ERCC8: variants seen among roughly 807,000 people sequenced by gnomAD.
ERCC8 encodes DNA excision repair protein ERCC-8.
A neutral mutation model predicts 54.9 loss-of-function variants in ERCC8; 52 were observed. The ratio of observed to expected loss-of-function variants is 0.95; its 90% CI spans 0.76 to 1.19. The LOEUF is 1.19. Among genes scored for constraint, ERCC8 ranks in the 50% most tolerant of loss-of-function variants. ERCC8 has a pLI of 0.00. For synonymous variants in ERCC8, 146 were observed against 157.2 expected, an observed-to-expected ratio of 0.93 and a Z score of 0.53; for missense variants, 514 against 466.1, an observed-to-expected ratio of 1.10 and a Z score of -0.95.
chr5:60,908,577 A>AT (rs1396881597), intron 4 of ERCC8, among the ~76,000 whole-genome samples: 66 of 90,326 alleles, frequency 7.3e-4, no homozygotes, highest in East Asian at 6.2e-3. Context: ...ATATATATAT[A>AT]TATATATTTT....
rs1747897358 is a variant in ERCC8 at position 60,873,071 on chromosome 5, T to G, written c.*1544A>C. The stretch of plus-strand genomic sequence containing the variant: ...CAAAATTTCAGTTAAAAAGGGGGAA[T>G]TAGTGCAAGAGACCTATTGCACAAC... On this transcript the variant is annotated 3_prime_UTR_variant, in exon 12 of 12. Transcript: ENST00000676185. Among the ~76,000 whole-genome samples the G allele has an allele frequency of 6.6e-6, 1 of 152,130 alleles. No homozygotes were observed. The highest frequency in any genetic ancestry group is 2.4e-5 in the African/African-American group (1 of 41,422).
intron 9 of ERCC8, chr5:60,892,140 G>GCT (rs1748580547): frequency 2.2e-6 from 1 of 456,882 alleles, no homozygotes; most frequent in African/African-American, 2.0e-5. Context: ...CCACCTTACT[G>GCT]TTTTTTTTTA....
intron 2 of ERCC8, chr5:60,924,301 T>C (rs1349778310): frequency 6.5e-6 from 1 of 152,716 alleles, no homozygotes; most frequent in African/African-American, 2.4e-5. Flanking sequence ...CGTCAATCCT[T>C]AAGTTGCTGT....
chr5:60,909,050 A>G (rs558042174), intron 4 of ERCC8, among the ~76,000 whole-genome samples: 1 of 152,152 alleles, frequency 6.6e-6, no homozygotes, highest in East Asian at 1.9e-4. Context: ...AAGCTGGAGA[A>G]TTGAATGCCA....
chr5:60,886,395 G>A (rs4647138), intron 11 of ERCC8, among the ~76,000 whole-genome samples: 65,240 of 151,918 alleles, frequency 0.43, 15,291 homozygotes, highest in African/African-American at 0.6. Flanking sequence ...AAAATTTGAC[G>A]TGAGAACAAA....
intron 11 of ERCC8, among the ~76,000 whole-genome samples, chr5:60,880,372 T>C (rs148687658): frequency 0.011 from 1,708 of 152,294 alleles, 39 homozygotes; most frequent in African/African-American, 0.039. Context: ...AGGAGTATCT[T>C]TGTGGCATTC....
chr5:60,909,887 G>A (rs927218482), intron 4 of ERCC8: 1 of 152,038 alleles, frequency 6.6e-6, no homozygotes, highest in South Asian at 2.1e-4. Flanking sequence ...TCAGGACGGG[G>A]AGGTTGCAGT....
rs1027690651 is a variant in ERCC8, at chr5:60,874,353, G to C, written c.*262C>G. On this transcript the variant is annotated 3_prime_UTR_variant, in exon 12 of 12. Transcript: ENST00000676185. ...CTGAAGGTCACAACTGAGGTACAACGACTTGTGTTACTTGTACTGTAGCAA... is the reference window on the plus strand; with the variant it reads ...CTGAAGGTCACAACTGAGGTACAACCACTTGTGTTACTTGTACTGTAGCAA... 4 of 395,048 alleles carry C rather than the reference G, an allele frequency of 1.0e-5. No individual in the cohort carries two copies. The highest frequency in any genetic ancestry group is 1.5e-3 in the Middle Eastern group (2 of 1,330). The allele number at this position is 395,048 out of a possible 1,614,324, so 24.5% of individuals were successfully genotyped here. A position where few individuals can be genotyped will look rare whatever the true frequency, so the allele number is the denominator to read the frequency against.
At chr5:60,909,196 A>G (rs75787078) in intron 4 of ERCC8, among the ~76,000 whole-genome samples, 6,803 of 147,578 alleles carry the variant, frequency 0.046, 247 homozygotes, top group Admixed American at 0.072. Flanking sequence ...AGGACAAAGG[A>G]TATCTGCCTG....
chr5:60,874,426 G>C lies in ERCC8; in HGVS notation c.*189C>G. Reference sequence around the variant, plus strand: ...CATCTGGGATCAAGGAACACATTTTGACTAAATAAACTATACAGAAGTCTG... The same window carrying C: ...CATCTGGGATCAAGGAACACATTTTCACTAAATAAACTATACAGAAGTCTG... On this transcript the variant is annotated 3_prime_UTR_variant, in exon 12 of 12. Coordinates refer to ENST00000676185, the MANE Select transcript of ERCC8 (RefSeq NM_000082.4). The C allele has an allele frequency of 1.7e-6, 1 of 580,984 alleles. No individual in the cohort carries two copies. Among genetic ancestry groups the C allele is most frequent in the Non-Finnish European group, 3.0e-6 (1 of 328,818 alleles). The allele number at this position is 580,984 out of a possible 1,614,324, so 36.0% of individuals were successfully genotyped here. A position where few individuals can be genotyped will look rare whatever the true frequency, so the allele number is the denominator to read the frequency against.
chr5:60,876,048 G>C (rs1031964121), intron 11 of ERCC8, among the ~76,000 whole-genome samples: 5 of 151,458 alleles, frequency 3.3e-5, no homozygotes, highest in East Asian at 1.9e-4. Flanking sequence ...CCCACAACAG[G>C]TCCCGGTGTG....
chr5:60,904,764 C>T, intron 5 of ERCC8, 28 bp downstream of exon 5: 1 of 1,456,054 alleles, frequency 6.9e-7, no homozygotes, highest in South Asian at 1.2e-5. Context: ...TTCAGTATGT[C>T]AAAAGACAAA....
At chr5:60,878,297 A>T (rs1377849979) in intron 11 of ERCC8, among the ~76,000 whole-genome samples, 1 of 152,204 alleles carries the variant, frequency 6.6e-6, no homozygotes, top group Non-Finnish European at 1.5e-5. Context: ...GGATTTTTGC[A>T]TTGATGCTCA....
chr5:60,935,452 T>C (rs1750036884), intron 1 of ERCC8, among the ~76,000 whole-genome samples: 1 of 152,184 alleles, frequency 6.6e-6, no homozygotes, highest in Admixed American at 6.5e-5. Flanking sequence ...TCTTTAGGGT[T>C]TTCTAGGTAT....
chr5:60,883,256 A>G (rs1490904453), intron 11 of ERCC8, among the ~76,000 whole-genome samples: 2 of 152,210 alleles, frequency 1.3e-5, no homozygotes, highest in African/African-American at 4.8e-5. Context: ...GTATTTTAGA[A>G]ATACATTTTA....
intron 10 of ERCC8, among the ~76,000 whole-genome samples, chr5:60,890,312 T>C (rs1748509720): frequency 1.3e-5 from 2 of 152,242 alleles, no homozygotes; most frequent in Admixed American, 1.3e-4. Context: ...TGCAATGTTA[T>C]ACTCATTTAA....
At chr5:60,881,575 C>T (rs1387940997) in intron 11 of ERCC8, among the ~76,000 whole-genome samples, 2 of 152,232 alleles carry the variant, frequency 1.3e-5, no homozygotes, top group African/African-American at 2.4e-5. Flanking sequence ...GCCCCTCCCC[C>T]AGCCTGGCTG....
intron 1 of ERCC8, among the ~76,000 whole-genome samples, chr5:60,934,487 T>C (rs113549747): frequency 0.016 from 2,396 of 152,326 alleles, 75 homozygotes; most frequent in African/African-American, 0.055. Flanking sequence ...CTCTGTTGGA[T>C]GTATAGGTTG....
chr5:60,867,398 G>A lies in ERCC8; in HGVS notation c.*7217C>T, dbSNP rs1422060629. Among the ~76,000 whole-genome samples, 1 of 152,106 alleles carries A rather than the reference G, an allele frequency of 6.6e-6. No individual in the cohort carries two copies. The highest frequency in any genetic ancestry group is 2.4e-5 in the African/African-American group (1 of 41,422). ...GATGCCCAAAGTGCTGGGTTTACAGGTGTGAGCCACTGCGCCTGGCCTTAT... is the reference window on the plus strand; with the variant it reads ...GATGCCCAAAGTGCTGGGTTTACAGATGTGAGCCACTGCGCCTGGCCTTAT... On this transcript the variant is annotated 3_prime_UTR_variant, in exon 12 of 12. Coordinates refer to ENST00000676185, the MANE Select transcript of ERCC8 (RefSeq NM_000082.4).
Sources: gnomAD v4.1 joint callset for allele counts (sites outside exome capture counted in the v4.1 genomes callset) on GRCh38, gnomAD v4.1.1 for gene constraint, MANE v1.5 for transcripts, NCBI Gene and HGNC (gene_info 2026-07-23, HGNC 2026-07-21) for gene names.